The following IGSF3 variants were observed in gnomAD, a reference collection of about 807,000 sequenced individuals.
The protein encoded by IGSF3 is immunoglobulin superfamily member 3.
Under a neutral mutation model 114.4 loss-of-function variants are expected in IGSF3, and 23 were observed. The observed-to-expected ratio is 0.20, with a 90% CI of 0.14 to 0.28. The LOEUF (loss-of-function observed/expected upper bound fraction) is 0.28, where lower values mean the gene tolerates loss of function less well. Ranked by LOEUF, IGSF3 falls within the 10% of genes least tolerant of loss-of-function variation. IGSF3 has a pLI of 1.00. For missense variants in IGSF3, 1,172 were observed against 1,591.5 expected, an observed-to-expected ratio of 0.74 and a Z score of 4.48; for synonymous variants, 571 against 645.2, an observed-to-expected ratio of 0.88 and a Z score of 1.74.
rs373124453 is a variant in IGSF3 at position 116,612,545 on chromosome 1, A to G, written c.832+1220T>C. Among the ~76,000 whole-genome samples, 1 of 152,218 alleles carries G rather than the reference A, an allele frequency of 6.6e-6. No homozygotes were observed. On this transcript the variant is annotated intron_variant, in intron 4 of 10. Transcript: ENST00000369486. The surrounding 1 kb of genome is among the most constrained non-coding windows in gnomAD (Gnocchi z 4.1). ...AATGTATACTGTTAGCTGAGTCTGA[A>G]GCATTACTCTAGAATGGCAGAGAAA...
rs1647836634 is a variant in IGSF3 at position 116,636,520 on chromosome 1, G to A, written c.44-20063C>T. ...CTGGATCCCCAGCTCCTAGAATGGT[G>A]TGTGGCACCTGAACAGACCTCAAAA... is the stretch of plus-strand genomic sequence containing the variant. On this transcript the variant is annotated intron_variant, in intron 2 of 10. Coordinates refer to ENST00000369486, the MANE Select transcript of IGSF3 (RefSeq NM_001007237.3). The surrounding 1 kb of genome is among the most constrained non-coding windows in gnomAD (Gnocchi z 4.5). Among the ~76,000 whole-genome samples the A allele has an allele frequency of 6.6e-6, 1 of 152,198 alleles. No homozygotes were observed. Among genetic ancestry groups the A allele is most frequent in the Non-Finnish European group, 1.5e-5 (1 of 68,034 alleles).
At position 116,666,802 on chromosome 1, in the gene IGSF3, C is replaced by T. The variant is rs188679489; in HGVS notation, c.-476G>A. On this transcript the variant is annotated 5_prime_UTR_variant, in exon 2 of 11. Transcript: ENST00000369486. ...AACCTTTGACGGCCAAATCACCCTG[C>T]CTGGCATCAACCGTTTGGGTTTCTT... 7.3e-4 allele frequency: 293 copies of T among 399,172 alleles called. 3 individuals carry two copies. The East Asian group carries it at 0.013, about 18-fold the overall frequency. The allele number at this position is 399,172 out of a possible 1,614,324, so 24.7% of individuals were successfully genotyped here.
Position 116,596,325 on chromosome 1 carries a change from T to A in IGSF3, c.2029+3616A>T, listed in dbSNP as rs113009492. Among the ~76,000 whole-genome samples, 16 of 152,320 alleles carry A rather than the reference T, an allele frequency of 1.1e-4. No individual in the cohort carries two copies. The East Asian group carries it at 3.1e-3, about 29-fold the overall frequency. ...TTTAAAACGGGGGTAGCAGGGGACA[T>A]TTCTATGGAAGACACCAGAGCAGGG... On this transcript the variant is annotated intron_variant, in intron 7 of 10. Transcript: ENST00000369486. This position sits in a 1 kb window ranked among gnomAD's most constrained non-coding sequence, Gnocchi z 4.1.
chr1:116,635,545 T>C (rs1647788731), intron 2 of IGSF3, among the ~76,000 whole-genome samples: 1 of 152,222 alleles, frequency 6.6e-6, no homozygotes, highest in Non-Finnish European at 1.5e-5. Context: ...TCCCAGTACA[T>C]CATCCTTTCC....
In IGSF3 at chr1:116,605,725, TTTAGA is replaced by T. The variant is rs1443088683; in HGVS notation, c.1223-1705_1223-1701del. The stretch of plus-strand genomic sequence containing the variant: ...ATCATTAATAACAACAATATTCCTC[TTTAGA>T]TTAAAGACTCATCCCCACTGTTATC... On this transcript the variant is annotated intron_variant, in intron 5 of 10. Coordinates refer to ENST00000369486, the MANE Select transcript of IGSF3 (RefSeq NM_001007237.3). The surrounding 1 kb of genome is among the most constrained non-coding windows in gnomAD (Gnocchi z 5.1). Among the ~76,000 whole-genome samples the T allele has an allele frequency of 3.9e-5, 6 of 152,344 alleles. No homozygotes were observed. In the South Asian group the frequency reaches 8.3e-4, roughly 21 times the overall value.
Position 116,579,072 on chromosome 1 carries a change from C to A in IGSF3, c.3334+320G>T, listed in dbSNP as rs573906648. On this transcript the variant is annotated intron_variant, in intron 10 of 10. Transcript: ENST00000369486. This position sits in a 1 kb window ranked among gnomAD's most constrained non-coding sequence, Gnocchi z 6.4. ...TTCGCTAAAGACTAGTTCCAATATT[C>A]TAAAAAATAACAAAGTAACACCTAA... Among the ~76,000 whole-genome samples the A allele has an allele frequency of 1.3e-5, 2 of 152,204 alleles. No homozygotes were observed. The highest frequency in any genetic ancestry group is 4.1e-4 in the South Asian group (2 of 4,824).
rs1386002080 is a variant in IGSF3, at chr1:116,612,394, C to T, written c.832+1371G>A. On this transcript the variant is annotated intron_variant, in intron 4 of 10. Coordinates refer to ENST00000369486, the MANE Select transcript of IGSF3 (RefSeq NM_001007237.3). This position sits in a 1 kb window ranked among gnomAD's most constrained non-coding sequence, Gnocchi z 4.1. ...GTGATGTCCAGAGAATTGCTTCTGCCCTAGAAGCTTTGCTTGAAAAAAATG... is the reference window on the plus strand; with the variant it reads ...GTGATGTCCAGAGAATTGCTTCTGCTCTAGAAGCTTTGCTTGAAAAAAATG... Among the ~76,000 whole-genome samples the T allele has an allele frequency of 6.6e-6, 1 of 151,790 alleles. No individual in the cohort carries two copies. The highest frequency in any genetic ancestry group is 1.5e-5 in the Non-Finnish European group (1 of 67,954).
Position 116,603,646 on chromosome 1 carries a change from A to G in IGSF3, c.1602T>C (p.Thr534=). The change falls in exon 6 of 11, where the codon ACT becomes ACC. Residue 534 remains threonine, a synonymous_variant. Coordinates refer to ENST00000369486, the MANE Select transcript of IGSF3 (RefSeq NM_001007237.3). The surrounding 1 kb of genome is among the most constrained non-coding windows in gnomAD (Gnocchi z 7.1). ...CACCAAGAGCTGTGATGGAGATGGG[A>G]GTGCTGGCCCGGCGCTCCCCAACAA... ...WQIVGERRAS[T]PISITALEMG... 6.2e-7 allele frequency: 1 copy of G among 1,613,634 alleles called. No individual in the cohort carries two copies. The highest frequency in any genetic ancestry group is 8.5e-7 in the Non-Finnish European group (1 of 1,179,714).
Position 116,662,339 on chromosome 1 carries a change from G to A in IGSF3, c.43+3945C>T, listed in dbSNP as rs1649152927. 6.6e-6 allele frequency among the ~76,000 whole-genome samples: 1 copy of A among 152,124 alleles called. No homozygotes were observed. Among genetic ancestry groups the A allele is most frequent in the South Asian group, 2.1e-4 (1 of 4,830 alleles). On this transcript the variant is annotated intron_variant, in intron 2 of 10. Coordinates refer to ENST00000369486, the MANE Select transcript of IGSF3 (RefSeq NM_001007237.3). The surrounding 1 kb of genome is among the most constrained non-coding windows in gnomAD (Gnocchi z 4.3). The stretch of plus-strand genomic sequence containing the variant: ...ACCCGCCTCAGCCTCCCAAAGTGCT[G>A]CGGTTACAAGCATGAGCCACCATGC...
chr1:116,599,391 TACACACACACAC>T (rs35774720), intron 7 of IGSF3, among the ~76,000 whole-genome samples: 12 of 148,230 alleles, frequency 8.1e-5, no homozygotes, highest in East Asian at 2.0e-4. Context: ...CACATACATA[TACACACACACAC>T]ACACACACAC....
chr1:116,614,030 G>A lies in IGSF3; in HGVS notation c.567C>T (p.Gly189=), dbSNP rs367602548. 2.3e-5 allele frequency: 37 copies of A among 1,614,086 alleles called. No homozygotes were observed. The African/African-American group carries it at 3.3e-4, about 15-fold the overall frequency. The change falls in exon 4 of 11, where the codon GGC becomes GGT. Residue 189 remains glycine, a synonymous_variant. Transcript: ENST00000369486. The surrounding 1 kb of genome is among the most constrained non-coding windows in gnomAD (Gnocchi z 4.5). ...GGGAGATGACCTCCACGGGCTTCTC[G>A]CCAACTTTCTGCCGGAGCCAGGCCA... ...LSVAWLRQKV[G]EKPVEVISLS...
In IGSF3 at chr1:116,644,812, T is replaced by C. The variant is rs537331365; in HGVS notation, c.43+21472A>G. On this transcript the variant is annotated intron_variant, in intron 2 of 10. Coordinates refer to ENST00000369486, the MANE Select transcript of IGSF3 (RefSeq NM_001007237.3). This position sits in a 1 kb window ranked among gnomAD's most constrained non-coding sequence, Gnocchi z 5.6. ...GTGAAAAGGACAGGCTCAGGGCATGTGAATGTGATAGTCAGCAATTCCCAC... is the reference window on the plus strand; with the variant it reads ...GTGAAAAGGACAGGCTCAGGGCATGCGAATGTGATAGTCAGCAATTCCCAC... Among the ~76,000 whole-genome samples the C allele has an allele frequency of 6.6e-6, 1 of 152,258 alleles. No homozygotes were observed. Among genetic ancestry groups the C allele is most frequent in the African/African-American group, 2.4e-5 (1 of 41,548 alleles).
In IGSF3 at chr1:116,650,975, C is replaced by T. The variant is rs1446540012; in HGVS notation, c.43+15309G>A. ...GGCCAGAGTGCTGGGCTTCTCCCAG[C>T]GGGATCCAGCTGGGGCCTTCTCCTC... On this transcript the variant is annotated intron_variant, in intron 2 of 10. Transcript: ENST00000369486. This position sits in a 1 kb window ranked among gnomAD's most constrained non-coding sequence, Gnocchi z 5.0. Among the ~76,000 whole-genome samples the T allele has an allele frequency of 1.3e-5, 2 of 152,240 alleles. No homozygotes were observed. Among genetic ancestry groups the T allele is most frequent in the Admixed American group, 6.5e-5 (1 of 15,288 alleles).
intron 2 of IGSF3, among the ~76,000 whole-genome samples, chr1:116,653,419 T>G (rs1319061839): frequency 6.6e-6 from 1 of 152,194 alleles, no homozygotes; most frequent in Non-Finnish European, 1.5e-5. Flanking sequence ...CTCAGTTACT[T>G]ACTTCCCCCC....
chr1:116,600,153 C>CA lies in IGSF3; in HGVS notation c.1816dup (p.Trp606LeufsTer18), dbSNP rs1557864512. 2 of 1,614,084 alleles carry CA rather than the reference C, an allele frequency of 1.2e-6. No homozygotes were observed. The highest frequency in any genetic ancestry group is 1.7e-6 in the Non-Finnish European group (2 of 1,179,966). On this transcript the variant is annotated frameshift_variant, in exon 7 of 11. Transcript: ENST00000369486. LOFTEE classifies it high-confidence loss of function. This position sits in a 1 kb window ranked among gnomAD's most constrained non-coding sequence, Gnocchi z 5.5. ...TCGGAAGCTGGAGGACCTGTCCCCC[C>CA]ACTGGACCCCTCCGTCCCGGGTGAA...
Position 116,593,553 on chromosome 1 carries a change from C to A in IGSF3, c.2030-4449G>T, listed in dbSNP as rs1660211859. ...GCATGGGAAGCCAGTGGCACAGGCG[C>A]CTGCCAGTCAAACTGTTACTACCCC... On this transcript the variant is annotated intron_variant, in intron 7 of 10. Transcript: ENST00000369486. The surrounding 1 kb of genome is among the most constrained non-coding windows in gnomAD (Gnocchi z 4.5). Among the ~76,000 whole-genome samples, 1 of 152,196 alleles carries A rather than the reference C, an allele frequency of 6.6e-6. No individual in the cohort carries two copies. The highest frequency in any genetic ancestry group is 2.1e-4 in the South Asian group (1 of 4,836).
rs1250057015 is a variant in IGSF3 at position 116,644,252 on chromosome 1, T to G, written c.43+22032A>C. Among the ~76,000 whole-genome samples the G allele has an allele frequency of 1.3e-5, 2 of 152,248 alleles. No individual in the cohort carries two copies. Among genetic ancestry groups the G allele is most frequent in the African/African-American group, 4.8e-5 (2 of 41,468 alleles). ...AACCTGATAGCATCCCTGTCTGGTT[T>G]TGGCTCTTTCAAAACATCAGGGACC... On this transcript the variant is annotated intron_variant, in intron 2 of 10. Transcript: ENST00000369486. The surrounding 1 kb of genome is among the most constrained non-coding windows in gnomAD (Gnocchi z 5.6).
intron 2 of IGSF3, among the ~76,000 whole-genome samples, chr1:116,656,634 C>T (rs1011268390): frequency 6.6e-6 from 1 of 151,268 alleles, no homozygotes; most frequent in African/African-American, 2.4e-5. Flanking sequence ...AATTAAAATT[C>T]AAAAATTAGG....
In IGSF3 at chr1:116,624,992, T is replaced by C. The variant is rs931357545; in HGVS notation, c.44-8535A>G. ...GTGAGCTGCCCCCAGCCTTGGAACT[T>C]CCAGCCATGCCTGCTGTGCCTCTAA... On this transcript the variant is annotated intron_variant, in intron 2 of 10. Coordinates refer to ENST00000369486, the MANE Select transcript of IGSF3 (RefSeq NM_001007237.3). This position sits in a 1 kb window ranked among gnomAD's most constrained non-coding sequence, Gnocchi z 4.9. 3.3e-5 allele frequency among the ~76,000 whole-genome samples: 5 copies of C among 152,242 alleles called. No homozygotes were observed. The highest frequency in any genetic ancestry group is 1.2e-4 in the African/African-American group (5 of 41,472).
Sources: allele counts gnomAD v4.1 joint callset (sites outside exome capture counted in the v4.1 genomes callset), GRCh38; gene constraint gnomAD v4.1.1; non-coding constraint Gnocchi (gnomAD v3.1); transcripts MANE v1.5; gene names NCBI Gene and HGNC (gene_info 2026-07-23, HGNC 2026-07-21).